Variants in SLC5A4 observed in about 807,000 individuals in gnomAD.
SLC5A4 encodes the protein solute carrier family 5 member 4, also known as probable glucose sensor protein SLC5A4.
A neutral mutation model predicts 70.3 loss-of-function variants in SLC5A4; 55 were observed. The observed-to-expected ratio is 0.78, with a 90% confidence interval of 0.63 to 0.98. The LOEUF is 0.98. SLC5A4 is among the 50% of genes least tolerant of loss of function. The pLI is 0.00. For missense variants in SLC5A4, 735 were observed against 839.2 expected (o/e 0.88, Z 1.53); for synonymous variants, 268 against 305.7 (o/e 0.88, Z 1.29).
the SLC5A4 span, among the ~76,000 whole-genome samples, chr22:32,288,850 T>C: frequency 1.3e-5 from 2 of 152,344 alleles, no homozygotes; most frequent in East Asian, 3.9e-4. Context: ...CTACTGGGAA[T>C]AATTTATGTT....
the SLC5A4 span, among the ~76,000 whole-genome samples, chr22:32,274,108 CG>C: frequency 6.7e-6 from 1 of 149,724 alleles, no homozygotes; most frequent in Non-Finnish European, 1.5e-5. Flanking sequence ...GGCGTCATCT[CG>C]GCTCGCTGCA....
chr22:32,260,614 G>A, the SLC5A4 span, among the ~76,000 whole-genome samples: 1 of 152,150 alleles, frequency 6.6e-6, no homozygotes, highest in Non-Finnish European at 1.5e-5. Context: ...AGGGCAGGAG[G>A]GAGAAATCTA....
At chr22:32,330,019 T>TGTGTGTTGGGGG in the SLC5A4 span, among the ~76,000 whole-genome samples, 13 of 4,404 alleles carry the variant, frequency 3.0e-3, 6 homozygotes, top group African/African-American at 4.2e-3. Context: ...GGCTCTGGTG[T>TGTGTGTTGGGGG]CTGTGTGTTG....
At chr22:32,283,948 T>C in the SLC5A4 span, among the ~76,000 whole-genome samples, 1 of 152,230 alleles carries the variant, frequency 6.6e-6, no homozygotes, top group Non-Finnish European at 1.5e-5. Context: ...TGGAGCTCTA[T>C]AGGGGATTTG....
the SLC5A4 span, among the ~76,000 whole-genome samples, chr22:32,329,314 GT>G: frequency 6.6e-6 from 1 of 152,184 alleles, no homozygotes; most frequent in East Asian, 1.9e-4. Flanking sequence ...GGAGATTTCT[GT>G]GAGGACATGA....
chr22:32,274,580 T>C, the SLC5A4 span, among the ~76,000 whole-genome samples: 3 of 151,926 alleles, frequency 2.0e-5, no homozygotes, highest in African/African-American at 7.3e-5. Context: ...TTTGTGATAA[T>C]AAAAAGTTGA....
the SLC5A4 span, chr22:32,271,849 G>T: frequency 1.6e-6 from 1 of 607,282 alleles, no homozygotes; most frequent in Non-Finnish European, 3.2e-6. Context: ...GGAAGATCCC[G>T]CTGTGCTGCA....
the SLC5A4 span, among the ~76,000 whole-genome samples, chr22:32,330,568 T>G: frequency 8.6e-6 from 1 of 116,774 alleles, no homozygotes; most frequent in Admixed American, 9.2e-5. Context: ...GGGCTCTGTG[T>G]GTGTTGGGGG....
the SLC5A4 span, chr22:32,270,841 C>T: frequency 2.0e-5 from 11 of 557,286 alleles, no homozygotes; most frequent in South Asian, 6.8e-5. Flanking sequence ...GTGGCTGCCA[C>T]GACCACCTGG....
At chr22:32,334,242 C>T in the SLC5A4 span, among the ~76,000 whole-genome samples, 1 of 152,128 alleles carries the variant, frequency 6.6e-6, no homozygotes, top group Admixed American at 6.5e-5. Flanking sequence ...TCAGGACCCA[C>T]CTCTGCCCTC....
chr22:32,344,375 CAT>C, the SLC5A4 span, among the ~76,000 whole-genome samples: 2 of 152,146 alleles, frequency 1.3e-5, no homozygotes, highest in Admixed American at 1.3e-4. Context: ...TCTCATTCCA[CAT>C]GTCCCCAGCT....
chr22:32,309,145 A>C, the SLC5A4 span, among the ~76,000 whole-genome samples: 11 of 152,240 alleles, frequency 7.2e-5, no homozygotes, highest in Admixed American at 7.2e-4. Context: ...GGGCATGTTC[A>C]GAGGCTAACA....
intron 4 of SLC5A4, among the ~76,000 whole-genome samples, chr22:32,248,200 G>A (rs994498627): frequency 6.6e-6 from 1 of 152,192 alleles, no homozygotes. Context: ...GTGAATAAAT[G>A]AATGCCTGAC....
chr22:32,241,797 GTGTGTGTA>G (rs1926529892), intron 5 of SLC5A4, among the ~76,000 whole-genome samples: 1 of 140,330 alleles, frequency 7.1e-6, no homozygotes, highest in African/African-American at 3.1e-5. Context: ...GTGTGTGTGT[GTGTGTGTA>G]TATATATCTG....
rs1422131325 is a variant in SLC5A4 at position 32,239,550 on chromosome 22, A to G, written c.478-460T>C. ...TATATATATATATATATATATATAT[A>G]TATATATATATATATATATTTATAT... On this transcript the variant is annotated intron_variant, in intron 5 of 14. Transcript: ENST00000266086. Among the ~76,000 whole-genome samples the G allele has an allele frequency of 4.6e-4, 7 of 15,338 alleles. 1 individual carries two copies. The highest frequency in any genetic ancestry group is 2.8e-3 in the African/African-American group (7 of 2,518). 10.1% of individuals were successfully genotyped at this position (15,338 alleles called of 152,430 possible).
the SLC5A4 span, among the ~76,000 whole-genome samples, chr22:32,290,129 T>C: frequency 6.6e-6 from 1 of 152,184 alleles, no homozygotes; most frequent in Admixed American, 6.5e-5. Context: ...ATGTACAGAA[T>C]GTGCAGGTTT....
At chr22:32,219,630 CAAAAAAA>C in intron 14 of SLC5A4, among the ~76,000 whole-genome samples, 2 of 28,860 alleles carry the variant, frequency 6.9e-5, no homozygotes, top group East Asian at 7.4e-4. Flanking sequence ...TCCAACTTAG[CAAAAAAA>C]AAAAAAAAAA....
the SLC5A4 span, among the ~76,000 whole-genome samples, chr22:32,310,318 T>C: frequency 4.6e-5 from 7 of 152,070 alleles, no homozygotes; most frequent in Admixed American, 2.6e-4. Flanking sequence ...CTCTTACTGA[T>C]GGGGAAACTG....
the SLC5A4 span, among the ~76,000 whole-genome samples, chr22:32,329,123 A>T: frequency 1.3e-5 from 2 of 152,072 alleles, no homozygotes; most frequent in Non-Finnish European, 2.9e-5. Flanking sequence ...TCACACTTTC[A>T]TCCCCTTTTC....
Sources: allele counts gnomAD v4.1 joint callset (sites outside exome capture counted in the v4.1 genomes callset), GRCh38; gene constraint gnomAD v4.1.1; transcripts MANE v1.5; gene names NCBI Gene and HGNC (gene_info 2026-07-23, HGNC 2026-07-21).